The following ROBO2 variants were observed in gnomAD, a reference collection of about 807,000 sequenced individuals.
ROBO2 encodes the protein roundabout homolog 2.
ROBO2 carries 53 observed loss-of-function variants against 160.8 expected under a neutral mutation model. The observed-to-expected ratio is 0.33, with a 90% confidence interval of 0.26 to 0.41. The LOEUF (loss-of-function observed/expected upper bound fraction) is 0.41. Among genes scored for constraint, ROBO2 ranks in the 10% least tolerant of loss-of-function variants. The pLI is 1.00. For synonymous variants in ROBO2, 664 were observed against 611.7 expected (o/e 1.09, Z -1.26); for missense variants, 1,577 against 1,722.4 (o/e 0.92, Z 1.49).
intron 2 of ROBO2, among the ~76,000 whole-genome samples, chr3:76,613,637 G>T (rs1578545053): frequency 6.6e-6 from 1 of 151,782 alleles, no homozygotes; most frequent in East Asian, 1.9e-4. Flanking sequence ...CTAGAGTACT[G>T]CCTGTCTCCC....
chr3:76,080,479 A>T (rs1474840951), intron 2 of ROBO2, among the ~76,000 whole-genome samples: 1 of 152,166 alleles, frequency 6.6e-6, no homozygotes, highest in Non-Finnish European at 1.5e-5. Context: ...AGCACAACAC[A>T]TTCTTTTTCG....
At chr3:76,364,557 CT>C (rs1478352063) in intron 2 of ROBO2, among the ~76,000 whole-genome samples, 1 of 151,882 alleles carries the variant, frequency 6.6e-6, no homozygotes, top group African/African-American at 2.4e-5. Flanking sequence ...TTTGACTTAA[CT>C]TGGCTGTAAT....
chr3:76,708,334 C>A (rs1400819921), intron 2 of ROBO2, among the ~76,000 whole-genome samples: 1 of 152,122 alleles, frequency 6.6e-6, no homozygotes, highest in African/African-American at 2.4e-5. Context: ...CCATTCCTGG[C>A]AGAGGGAACA....
At chr3:75,963,570 G>T (rs946576318) in intron 2 of ROBO2, among the ~76,000 whole-genome samples, 1 of 151,824 alleles carries the variant, frequency 6.6e-6, no homozygotes, top group Admixed American at 6.6e-5. Flanking sequence ...TGAAAATGAT[G>T]CTAACGTAGT....
In ROBO2 at chr3:77,257,140, T is replaced by G. The variant is rs550196580; in HGVS notation, c.388+158800T>G. On this transcript the variant is annotated intron_variant, in intron 2 of 25. Coordinates refer to ENST00000461745, the Ensembl canonical transcript of ROBO2. ...TCAAAACACTTGGCTAATTTACACTTGATAATCTGAAATGAGGGCCCCTGT... is the reference window on the plus strand; with the variant it reads ...TCAAAACACTTGGCTAATTTACACTGGATAATCTGAAATGAGGGCCCCTGT... Among the ~76,000 whole-genome samples the G allele has an allele frequency of 2.1e-4, 32 of 152,268 alleles. No homozygotes were observed. The East Asian group carries it at 6.2e-3, about 29-fold the overall frequency.
chr3:76,956,362 C>T (rs1399509328), intron 2 of ROBO2, among the ~76,000 whole-genome samples: 1 of 151,960 alleles, frequency 6.6e-6, no homozygotes, highest in African/African-American at 2.4e-5. Context: ...TTGAGACCAT[C>T]CTGGCTAACA....
intron 2 of ROBO2, among the ~76,000 whole-genome samples, chr3:77,105,731 G>A (rs2072705074): frequency 6.6e-6 from 1 of 152,238 alleles, no homozygotes; most frequent in Admixed American, 6.5e-5. Context: ...GTCTCAAGTT[G>A]CCATTCACTG....
intron 2 of ROBO2, among the ~76,000 whole-genome samples, chr3:76,915,256 T>C (rs2076229628): frequency 1.3e-5 from 2 of 152,152 alleles, no homozygotes; most frequent in African/African-American, 2.4e-5. Context: ...CTGTGAAATA[T>C]ATGTGTCAAA....
chr3:77,068,209 C>A (rs2067060193), intron 1 of ROBO2, among the ~76,000 whole-genome samples: 1 of 151,968 alleles, frequency 6.6e-6, no homozygotes, highest in African/African-American at 2.4e-5. Context: ...AGTGCACAGG[C>A]TTTTGGTTTA....
intron 2 of ROBO2, among the ~76,000 whole-genome samples, chr3:76,510,118 A>G (rs932995627): frequency 6.6e-6 from 1 of 152,166 alleles, no homozygotes; most frequent in Non-Finnish European, 1.5e-5. Flanking sequence ...GATGCCCTAC[A>G]TGAGAACAAG....
intron 2 of ROBO2, among the ~76,000 whole-genome samples, chr3:77,250,919 A>G (rs2090270197): frequency 6.6e-6 from 1 of 152,094 alleles, no homozygotes; most frequent in Non-Finnish European, 1.5e-5. Flanking sequence ...CCTACTTCCC[A>G]ACAGTGTTGT....
chr3:76,817,350 TAA>T (rs2065763514), intron 2 of ROBO2, among the ~76,000 whole-genome samples: 1 of 152,118 alleles, frequency 6.6e-6, no homozygotes, highest in African/African-American at 2.4e-5. Context: ...GTGTGTACTA[TAA>T]AGTTAGGCAT....
At chr3:76,786,177 T>C (rs558118920) in intron 2 of ROBO2, among the ~76,000 whole-genome samples, 2 of 151,408 alleles carry the variant, frequency 1.3e-5, no homozygotes, top group African/African-American at 4.8e-5. Context: ...ACATTTTCAG[T>C]TTGTATTTCT....
chr3:76,523,204 G>GGT (rs998413499), intron 2 of ROBO2, among the ~76,000 whole-genome samples: 1 of 151,578 alleles, frequency 6.6e-6, no homozygotes, highest in African/African-American at 2.4e-5. Context: ...TCCCATTTTT[G>GGT]GTGTGTGTGA....
chr3:76,542,436 C>A (rs2082871363), intron 2 of ROBO2, among the ~76,000 whole-genome samples: 2 of 152,102 alleles, frequency 1.3e-5, no homozygotes, highest in African/African-American at 4.8e-5. Flanking sequence ...CCTTGCCTGG[C>A]AGATTGGTCA....
At chr3:77,104,364 T>C (rs1489733722) in intron 2 of ROBO2, among the ~76,000 whole-genome samples, 1 of 152,186 alleles carries the variant, frequency 6.6e-6, no homozygotes, top group African/African-American at 2.4e-5. Context: ...ACATTAATGT[T>C]TTCAAGGATC....
At chr3:76,536,027 T>C (rs1413651116) in intron 2 of ROBO2, among the ~76,000 whole-genome samples, 1 of 151,862 alleles carries the variant, frequency 6.6e-6, no homozygotes, top group Non-Finnish European at 1.5e-5. Context: ...TCCAGTGGGG[T>C]CCTGCACAGG....
At chr3:75,919,823 T>TAG in intron 1 of ROBO2, among the ~76,000 whole-genome samples, 1 of 152,222 alleles carries the variant, frequency 6.6e-6, no homozygotes. Flanking sequence ...TTTATTTGTG[T>TAG]AGAGGTGTTT....
chr3:76,754,431 TC>T (rs1462412062), intron 2 of ROBO2, among the ~76,000 whole-genome samples: 1 of 151,844 alleles, frequency 6.6e-6, no homozygotes, highest in Non-Finnish European at 1.5e-5. Flanking sequence ...CCTTCATAAT[TC>T]CTAAACTGCA....
Sources: allele counts gnomAD v4.1 joint callset (sites outside exome capture counted in the v4.1 genomes callset), GRCh38; gene constraint gnomAD v4.1.1; transcripts MANE v1.5; gene names NCBI Gene and HGNC (gene_info 2026-07-23, HGNC 2026-07-21).